The following IRAK1BP1 variants were observed in gnomAD, a reference collection of about 807,000 sequenced individuals.
IRAK1BP1 encodes the protein interleukin-1 receptor-associated kinase 1-binding protein 1.
In IRAK1BP1, 24 loss-of-function variants were observed where a neutral mutation model predicts 28.0. That is an observed-to-expected ratio of 0.86 (90% CI 0.62 to 1.20). The LOEUF (loss-of-function observed/expected upper bound fraction) is 1.20, where lower values mean the gene tolerates loss of function less well. Ranked by LOEUF, IRAK1BP1 falls within the 50% of genes most tolerant of loss-of-function variation. The pLI is 0.00. For synonymous variants in IRAK1BP1, 131 were observed against 116.3 expected, an observed-to-expected ratio of 1.13 and a Z score of -0.81; for missense variants, 336 against 316.7, an observed-to-expected ratio of 1.06 and a Z score of -0.46.
At position 78,867,879 on chromosome 6, in the gene IRAK1BP1, G is replaced by A. The variant is rs778042281; in HGVS notation, c.303G>A (p.Gln101=). The change falls in exon 1 of 4, where the codon CAG becomes CAA. Residue 101 remains glutamine, a synonymous_variant. Transcript: ENST00000369940. The part of the protein sequence containing the change: ...RLDYITQSLQ[Q]QGVQAENITV... Reference sequence around the variant, plus strand: ...ATTACATCACGCAGAGCCTCCAGCAGCAGGGCGTGCAGGTGAGATCTCCGC... The same window carrying A: ...ATTACATCACGCAGAGCCTCCAGCAACAGGGCGTGCAGGTGAGATCTCCGC... 4.1e-5 allele frequency: 65 copies of A among 1,592,208 alleles called. 1 individual carries two copies. In the East Asian group the frequency reaches 1.3e-3, roughly 32 times the overall value.
At chr6:78,921,382 C>A (rs1259904899) in intron 4 of IRAK1BP1, among the ~76,000 whole-genome samples, 1 of 152,210 alleles carries the variant, frequency 6.6e-6, no homozygotes, top group Non-Finnish European at 1.5e-5. Flanking sequence ...GGGGGAGGGG[C>A]GCCCATCATT....
intron 4 of IRAK1BP1, chr6:78,940,548 GTTTTTTTTT>G (rs36155238): frequency 9.7e-5 from 8 of 82,712 alleles, no homozygotes; most frequent in Non-Finnish European, 1.7e-4. Flanking sequence ...TCGTAAGTTT[GTTTTTTTTT>G]TTTTTTTTTT....
chr6:78,957,932 T>C, the IRAK1BP1 span: 1 of 152,046 alleles, frequency 6.6e-6, no homozygotes, highest in Non-Finnish European at 1.5e-5. Context: ...AGTCTCCTGC[T>C]GGACTATTTA....
At chr6:78,963,876 A>C in the IRAK1BP1 span, among the ~76,000 whole-genome samples, 1 of 152,198 alleles carries the variant, frequency 6.6e-6, no homozygotes, top group Non-Finnish European at 1.5e-5. Flanking sequence ...AAAATACGCC[A>C]CTGTTTGTGT....
At chr6:78,909,341 G>T (rs1349632947) in intron 4 of IRAK1BP1, among the ~76,000 whole-genome samples, 2 of 152,144 alleles carry the variant, frequency 1.3e-5, no homozygotes, top group African/African-American at 2.4e-5. Context: ...TAATCTCATG[G>T]TGAATCAAGG....
the IRAK1BP1 span, among the ~76,000 whole-genome samples, chr6:78,964,685 G>T: frequency 6.6e-6 from 1 of 152,062 alleles, no homozygotes; most frequent in Non-Finnish European, 1.5e-5. Flanking sequence ...TTGAGACGGG[G>T]TTTCACCATG....
At chr6:78,932,551 A>C (rs1773086892) in intron 4 of IRAK1BP1, among the ~76,000 whole-genome samples, 1 of 150,798 alleles carries the variant, frequency 6.6e-6, no homozygotes, top group African/African-American at 2.4e-5. Flanking sequence ...CCTCCTGAGT[A>C]GCTGGGATTA....
chr6:78,882,793 A>G (rs1028740825), intron 1 of IRAK1BP1, among the ~76,000 whole-genome samples: 7 of 152,152 alleles, frequency 4.6e-5, no homozygotes, highest in African/African-American at 1.4e-4. Context: ...AAATCCAAAT[A>G]AAGTTTGGAG....
the IRAK1BP1 span, chr6:78,969,774 A>G: frequency 1.3e-6 from 1 of 742,280 alleles, no homozygotes; most frequent in Non-Finnish European, 2.2e-6. Flanking sequence ...AAAATAGTAA[A>G]TCACTTACTA....
intron 4 of IRAK1BP1, among the ~76,000 whole-genome samples, chr6:78,942,803 G>C (rs1395123204): frequency 6.6e-6 from 1 of 152,090 alleles, no homozygotes; most frequent in Non-Finnish European, 1.5e-5. Context: ...CCCTTGTAAT[G>C]GTCCCAAATT....
the IRAK1BP1 span, among the ~76,000 whole-genome samples, chr6:78,975,128 A>G: frequency 1.3e-5 from 2 of 151,864 alleles, no homozygotes; most frequent in African/African-American, 4.8e-5. Flanking sequence ...TCCTCAATAA[A>G]ATACTGGCAA....
At chr6:78,888,587 A>C (rs1033382817) in intron 2 of IRAK1BP1, among the ~76,000 whole-genome samples, 1 of 149,614 alleles carries the variant, frequency 6.7e-6, no homozygotes, top group Non-Finnish European at 1.5e-5. Context: ...GCATGATCTC[A>C]GCTCACTGTA....
chr6:78,896,431 A>G (rs1562087385), intron 2 of IRAK1BP1, among the ~76,000 whole-genome samples: 1 of 152,186 alleles, frequency 6.6e-6, no homozygotes, highest in Non-Finnish European at 1.5e-5. Flanking sequence ...ATGAATTGCA[A>G]ATACATTATG....
intron 4 of IRAK1BP1, among the ~76,000 whole-genome samples, chr6:78,918,677 C>A (rs912285668): frequency 1.3e-5 from 2 of 151,178 alleles, no homozygotes; most frequent in Non-Finnish European, 2.9e-5. Context: ...ATGTATGCAC[C>A]CAACATTGCA....
At chr6:78,961,043 T>G in the IRAK1BP1 span, among the ~76,000 whole-genome samples, 1 of 152,088 alleles carries the variant, frequency 6.6e-6, no homozygotes, top group Non-Finnish European at 1.5e-5. Context: ...TTCCATTATT[T>G]AAAAACTATA....
chr6:78,921,914 C>A (rs1258287222), intron 4 of IRAK1BP1, among the ~76,000 whole-genome samples: 1 of 152,158 alleles, frequency 6.6e-6, no homozygotes, highest in African/African-American at 2.4e-5. Context: ...CATATCAAAA[C>A]CCCATCTGTA....
downstream of IRAK1BP1, among the ~76,000 whole-genome samples, chr6:78,947,137 G>C (rs952580131): frequency 2.6e-5 from 4 of 152,096 alleles, no homozygotes; most frequent in Non-Finnish European, 5.9e-5. Flanking sequence ...GGCTCATACA[G>C]ACAAAACTTA....
chr6:78,958,354 A>G, the IRAK1BP1 span: 1 of 627,960 alleles, frequency 1.6e-6, no homozygotes, highest in Admixed American at 2.9e-5. Context: ...CTCCCAGCTG[A>G]GCTATTTTGG....
At chr6:78,947,920 T>C (rs1773916144), downstream of IRAK1BP1, 1 of 453,248 alleles carries the variant, frequency 2.2e-6, no homozygotes. Flanking sequence ...CAAGAGTCCC[T>C]TTTTTCTAAT....
Sources: allele counts gnomAD v4.1 joint callset (sites outside exome capture counted in the v4.1 genomes callset), GRCh38; gene constraint gnomAD v4.1.1; transcripts MANE v1.5; gene names NCBI Gene and HGNC (gene_info 2026-07-23, HGNC 2026-07-21).